The following NALF1 variants were observed in gnomAD, a reference collection of about 807,000 sequenced individuals.
NALF1 encodes NALCN channel auxiliary factor 1, also known as family with sequence similarity 155 member A.
A neutral mutation model predicts 48.4 loss-of-function variants in NALF1; 3 were observed. The ratio of observed to expected loss-of-function variants is 0.06; its 90% CI spans 0.03 to 0.16. The LOEUF (loss-of-function observed/expected upper bound fraction) is 0.16. Among genes scored for constraint, NALF1 ranks in the 10% least tolerant of loss-of-function variants. The pLI, the probability that NALF1 is intolerant of heterozygous loss-of-function variation, is 1.00. For synonymous variants in NALF1, 262 were observed against 245.7 expected (o/e 1.07, Z -0.62); for missense variants, 526 against 571.5 (o/e 0.92, Z 0.81).
At chr13:107,418,018 G>A (rs1257457502) in intron 1 of NALF1, among the ~76,000 whole-genome samples, 1 of 152,176 alleles carries the variant, frequency 6.6e-6, no homozygotes, top group African/African-American at 2.4e-5. Context: ...CTGAGATCAC[G>A]CCATTGAACT....
intron 1 of NALF1, among the ~76,000 whole-genome samples, chr13:107,250,639 G>A (rs1429488538): frequency 3.3e-5 from 5 of 152,104 alleles, no homozygotes; most frequent in Admixed American, 6.5e-5. Context: ...CAGTTTCGGC[G>A]CATTGGTAGA....
rs989584833 is a variant in NALF1 at position 107,867,123 on chromosome 13, CCCTCCTCCT to C, written c.-536_-528del. Among the ~76,000 whole-genome samples, 1 of 151,242 alleles carries C rather than the reference CCCTCCTCCT, an allele frequency of 6.6e-6. No homozygotes were observed. Among genetic ancestry groups the C allele is most frequent in the Non-Finnish European group, 1.5e-5 (1 of 67,686 alleles). On this transcript the variant is annotated 5_prime_UTR_variant, in exon 1 of 3. Coordinates refer to ENST00000375915, the MANE Select transcript of NALF1 (RefSeq NM_001080396.3). This position sits in a 1 kb window ranked among gnomAD's most constrained non-coding sequence, Gnocchi z 4.4. ...CCACTGACGGCGCCCGGAGCGCCTCCCCTCCTCCTCCTCCTCCTCCTCTTCTTCTCCTCC... is the reference window on the plus strand; with the variant it reads ...CCACTGACGGCGCCCGGAGCGCCTCCCCTCCTCCTCCTCTTCTTCTCCTCC...
At chr13:107,816,359 G>A (rs150893895) in intron 1 of NALF1, among the ~76,000 whole-genome samples, 2,457 of 152,268 alleles carry the variant, frequency 0.016, 69 homozygotes, top group African/African-American at 0.056. Flanking sequence ...ACAGGTCCAC[G>A]TGGCTGGGGA....
At chr13:107,365,188 A>G (rs1172281402) in intron 1 of NALF1, among the ~76,000 whole-genome samples, 1 of 151,670 alleles carries the variant, frequency 6.6e-6, no homozygotes, top group African/African-American at 2.4e-5. Context: ...TATGATGATG[A>G]ACATAATTTT....
At chr13:107,851,155 T>A (rs1594313840) in intron 1 of NALF1, among the ~76,000 whole-genome samples, 2 of 152,320 alleles carry the variant, frequency 1.3e-5, no homozygotes, top group East Asian at 3.9e-4. Flanking sequence ...TGGAATCTTC[T>A]CTCTTTCAAT....
In NALF1 at chr13:107,447,607, T is replaced by A. The variant is rs555943639; in HGVS notation, c.916-236852A>T. On this transcript the variant is annotated intron_variant, in intron 1 of 2. Transcript: ENST00000375915. ...CCTTTTTACAGCTCTTTCAGGGCAC[T>A]GTCATTATTATTCCCATTTCACAGT... Among the ~76,000 whole-genome samples, 4 of 152,286 alleles carry A rather than the reference T, an allele frequency of 2.6e-5. No individual in the cohort carries two copies. The East Asian group carries it at 7.7e-4, about 29-fold the overall frequency.
At chr13:107,682,597 CTT>C (rs367854449) in intron 1 of NALF1, among the ~76,000 whole-genome samples, 1 of 150,456 alleles carries the variant, frequency 6.6e-6, no homozygotes, top group Non-Finnish European at 1.5e-5. Flanking sequence ...TGATTCCACT[CTT>C]TTTTTTTTCC....
intron 1 of NALF1, chr13:107,788,623 A>C (rs1376353840): frequency 6.6e-6 from 1 of 152,252 alleles, no homozygotes; most frequent in East Asian, 1.9e-4. Flanking sequence ...ATCTACCGGC[A>C]CATGGCCGCA....
intron 1 of NALF1, among the ~76,000 whole-genome samples, chr13:107,838,191 GAAAC>G (rs914321553): frequency 3.3e-5 from 5 of 152,052 alleles, no homozygotes; most frequent in Middle Eastern, 3.4e-3. Context: ...AATGTAGCCA[GAAAC>G]AAACAAACAA....
intron 1 of NALF1, among the ~76,000 whole-genome samples, chr13:107,697,264 G>C (rs1370991474): frequency 6.6e-6 from 1 of 152,022 alleles, no homozygotes; most frequent in South Asian, 2.1e-4. Context: ...ATGTATAAAA[G>C]AGTTCTGTAT....
chr13:107,802,901 A>C (rs1878663814), intron 1 of NALF1, among the ~76,000 whole-genome samples: 1 of 152,200 alleles, frequency 6.6e-6, no homozygotes, highest in Admixed American at 6.5e-5. Flanking sequence ...TAAAGAAAAA[A>C]ATCTCAAGGG....
At chr13:107,656,522 T>C (rs900026286) in intron 1 of NALF1, among the ~76,000 whole-genome samples, 2 of 152,034 alleles carry the variant, frequency 1.3e-5, no homozygotes, top group South Asian at 4.1e-4. Flanking sequence ...GATGTTGGCA[T>C]GGATGCAGTA....
intron 1 of NALF1, among the ~76,000 whole-genome samples, chr13:107,637,518 T>C (rs1880011585): frequency 6.6e-6 from 1 of 152,170 alleles, no homozygotes; most frequent in Non-Finnish European, 1.5e-5. Context: ...TAAAATCTTA[T>C]TTTCTTCCTT....
intron 1 of NALF1, among the ~76,000 whole-genome samples, chr13:107,721,983 C>T (rs1323552638): frequency 2.6e-5 from 4 of 152,104 alleles, no homozygotes; most frequent in Non-Finnish European, 4.4e-5. Flanking sequence ...TGAGGGTTCC[C>T]CCCCTCTTGC....
intron 1 of NALF1, among the ~76,000 whole-genome samples, chr13:107,819,651 CA>C (rs1879296539): frequency 6.6e-6 from 1 of 150,642 alleles, no homozygotes. Context: ...ACTACATTCC[CA>C]TAAGATGAAT....
At chr13:107,624,382 C>T (rs1879609707) in intron 1 of NALF1, among the ~76,000 whole-genome samples, 1 of 152,046 alleles carries the variant, frequency 6.6e-6, no homozygotes, top group Non-Finnish European at 1.5e-5. Flanking sequence ...AATAATGCTT[C>T]CCTTCCATGG....
intron 1 of NALF1, among the ~76,000 whole-genome samples, chr13:107,619,919 G>A (rs1329228962): frequency 2.0e-5 from 3 of 152,174 alleles, no homozygotes; most frequent in Admixed American, 6.5e-5. Context: ...AAACTTGAAT[G>A]TGTGGGCATC....
At chr13:107,644,511 G>A (rs1478404800) in intron 1 of NALF1, among the ~76,000 whole-genome samples, 7 of 151,136 alleles carry the variant, frequency 4.6e-5, no homozygotes, top group Admixed American at 4.6e-4. Context: ...TAAATCATGT[G>A]CATTTTCTAC....
intron 1 of NALF1, among the ~76,000 whole-genome samples, chr13:107,579,680 T>C (rs1311367876): frequency 6.6e-6 from 1 of 152,184 alleles, no homozygotes; most frequent in Non-Finnish European, 1.5e-5. Context: ...TTCATATTTT[T>C]TTTTTATTAT....
Sources: gnomAD v4.1 joint callset for allele counts (sites outside exome capture counted in the v4.1 genomes callset) on GRCh38, gnomAD v4.1.1 for gene constraint, Gnocchi (gnomAD v3.1) non-coding constraint, MANE v1.5 for transcripts, NCBI Gene and HGNC (gene_info 2026-07-23, HGNC 2026-07-21) for gene names.